Variants in GABRG1 observed in about 807,000 individuals in gnomAD.
GABRG1 encodes the protein gamma-aminobutyric acid receptor subunit gamma-1.
GABRG1 carries 49 observed loss-of-function variants against 49.8 expected under a neutral mutation model. That is an observed-to-expected ratio of 0.98 (90% CI 0.78 to 1.25). GABRG1 has a LOEUF of 1.25. Among genes scored for constraint, GABRG1 ranks in the 50% most tolerant of loss-of-function variants. GABRG1 has a pLI of 0.00. For synonymous variants in GABRG1, 232 were observed against 185.1 expected (o/e 1.25, Z -2.06); for missense variants, 552 against 552.3 (o/e 1.00, Z 0.01).
intron 7 of GABRG1, among the ~76,000 whole-genome samples, chr4:46,053,889 C>T (rs1718341238): frequency 6.6e-6 from 1 of 151,952 alleles, no homozygotes; most frequent in Non-Finnish European, 1.5e-5. Context: ...TAATAAAAAA[C>T]ACTTAAGATA....
intron 5 of GABRG1, among the ~76,000 whole-genome samples, chr4:46,062,956 T>C (rs1395654498): frequency 6.6e-6 from 1 of 151,550 alleles, no homozygotes; most frequent in Non-Finnish European, 1.5e-5. Flanking sequence ...GAATCCAACT[T>C]ACAAGGGACG....
At chr4:46,113,101 C>T (rs1004033063) in intron 1 of GABRG1, among the ~76,000 whole-genome samples, 2 of 151,108 alleles carry the variant, frequency 1.3e-5, no homozygotes, top group Non-Finnish European at 3.0e-5. Context: ...CCTGTCTGAT[C>T]ACTATTTGCT....
In GABRG1 at chr4:46,037,791, T is replaced by C. The variant is rs968584340; in HGVS notation, c.*3197A>G. On this transcript the variant is annotated 3_prime_UTR_variant, in exon 9 of 9. Coordinates refer to ENST00000295452, the MANE Select transcript of GABRG1 (RefSeq NM_173536.4). ...CCTCTCTTGTAAAATCAAAGTGTTT[T>C]GTGTATTTTTCACAAATTTTGACCT... 6.6e-6 allele frequency: 1 copy of C among 151,802 alleles called. No homozygotes were observed. The highest frequency in any genetic ancestry group is 2.4e-5 in the African/African-American group (1 of 41,436). The allele number at this position is 151,802 out of a possible 1,614,324, so 9.4% of individuals were successfully genotyped here. A position where few individuals can be genotyped will look rare whatever the true frequency, so the allele number is the denominator to read the frequency against.
At chr4:46,071,144 G>T (rs984267870) in intron 3 of GABRG1, among the ~76,000 whole-genome samples, 2 of 151,882 alleles carry the variant, frequency 1.3e-5, no homozygotes, top group South Asian at 2.1e-4. Context: ...CTATTATGCT[G>T]CCAGTTGTTT....
chr4:46,096,940 G>T (rs2109431133), intron 2 of GABRG1, among the ~76,000 whole-genome samples: 1 of 151,778 alleles, frequency 6.6e-6, no homozygotes, highest in Middle Eastern at 3.4e-3. Flanking sequence ...GTATTTCTCA[G>T]TCTTAGGCAG....
intron 2 of GABRG1, among the ~76,000 whole-genome samples, chr4:46,087,677 G>C (rs796133589): frequency 5.9e-5 from 9 of 151,924 alleles, no homozygotes; most frequent in African/African-American, 2.2e-4. Flanking sequence ...AAAACTCCAG[G>C]TCCATACCAC....
intron 2 of GABRG1, among the ~76,000 whole-genome samples, chr4:46,091,808 C>T (rs939864445): frequency 6.2e-4 from 95 of 152,062 alleles, no homozygotes; most frequent in African/African-American, 2.1e-3. Flanking sequence ...TATGTTTCAA[C>T]CCACAGATTC....
chr4:46,050,533 A>G (rs970676144), intron 8 of GABRG1, among the ~76,000 whole-genome samples: 1 of 151,900 alleles, frequency 6.6e-6, no homozygotes, highest in African/African-American at 2.4e-5. Context: ...TTTCTCATTT[A>G]TTTGAGTATT....
chr4:46,090,810 T>G (rs929538485), intron 2 of GABRG1, among the ~76,000 whole-genome samples: 1 of 151,976 alleles, frequency 6.6e-6, no homozygotes, highest in African/African-American at 2.4e-5. Context: ...TATTTGCTGT[T>G]TGACAGCACA....
At chr4:46,063,929 A>C (rs1399012479) in intron 5 of GABRG1, among the ~76,000 whole-genome samples, 1 of 152,196 alleles carries the variant, frequency 6.6e-6, no homozygotes, top group Non-Finnish European at 1.5e-5. Flanking sequence ...TTCTCTATGA[A>C]TCAATCTTTT....
chr4:46,051,918 T>G (rs1577632852), intron 7 of GABRG1, among the ~76,000 whole-genome samples: 1 of 151,934 alleles, frequency 6.6e-6, no homozygotes, highest in Non-Finnish European at 1.5e-5. Context: ...AATATTTAGC[T>G]GGCATATGAC....
chr4:46,104,606 T>G (rs1720477108), intron 1 of GABRG1, among the ~76,000 whole-genome samples: 1 of 151,562 alleles, frequency 6.6e-6, no homozygotes, highest in Non-Finnish European at 1.5e-5. Context: ...TACATTCCTG[T>G]AATTATTATA....
At chr4:46,068,609 G>A (rs1415439424) in intron 3 of GABRG1, among the ~76,000 whole-genome samples, 2 of 151,988 alleles carry the variant, frequency 1.3e-5, no homozygotes, top group African/African-American at 2.4e-5. Context: ...TCCATCCCAA[G>A]CCCTTTGCAG....
intron 1 of GABRG1, among the ~76,000 whole-genome samples, chr4:46,110,980 G>A (rs2109440782): frequency 6.6e-6 from 1 of 151,028 alleles, no homozygotes; most frequent in African/African-American, 2.4e-5. Flanking sequence ...TTCAACGTAA[G>A]ACTAGAAATG....
chr4:46,117,786 A>G (rs1469200234), intron 1 of GABRG1, among the ~76,000 whole-genome samples: 4 of 139,624 alleles, frequency 2.9e-5, no homozygotes, highest in Non-Finnish European at 4.6e-5. Flanking sequence ...ACATACATGT[A>G]TATACATATA....
intron 3 of GABRG1, among the ~76,000 whole-genome samples, chr4:46,066,890 G>A (rs1718938763): frequency 6.6e-6 from 1 of 151,318 alleles, no homozygotes; most frequent in African/African-American, 2.4e-5. Flanking sequence ...ATATATGTGT[G>A]TGTATATATG....
At chr4:46,085,096 T>G (rs1299751600) in intron 2 of GABRG1, among the ~76,000 whole-genome samples, 2 of 151,590 alleles carry the variant, frequency 1.3e-5, no homozygotes, top group Non-Finnish European at 3.0e-5. Flanking sequence ...GATTTTTTTT[T>G]TCAGTTAAAC....
chr4:46,068,066 C>G, intron 3 of GABRG1, among the ~76,000 whole-genome samples: 1 of 152,058 alleles, frequency 6.6e-6, no homozygotes, highest in East Asian at 1.9e-4. Flanking sequence ...AAATGACTAA[C>G]CATTCAGTCT....
chr4:46,065,022 A>G (rs1718853414), intron 4 of GABRG1, among the ~76,000 whole-genome samples: 1 of 152,134 alleles, frequency 6.6e-6, no homozygotes, highest in African/African-American at 2.4e-5. Context: ...ATTGAAAATT[A>G]GAGTATTATA....
Sources: gnomAD v4.1 joint callset for allele counts (sites outside exome capture counted in the v4.1 genomes callset) on GRCh38, gnomAD v4.1.1 for gene constraint, MANE v1.5 for transcripts, NCBI Gene and HGNC (gene_info 2026-07-23, HGNC 2026-07-21) for gene names.